Variants in CTNNA3 observed in about 807,000 individuals in gnomAD.
The protein encoded by CTNNA3 is catenin alpha-3.
CTNNA3 carries 76 observed loss-of-function variants against 95.7 expected under a neutral mutation model. The observed-to-expected ratio is 0.79, with a 90% CI of 0.66 to 0.96. CTNNA3 has a LOEUF of 0.96. CTNNA3 is among the 40% of genes least tolerant of loss of function. The probability of loss-of-function intolerance (pLI) is 0.00; values close to 1 mark genes in which losing one functional copy is unlikely to be tolerated. For missense variants in CTNNA3, 1,191 were observed against 1,089.8 expected, an observed-to-expected ratio of 1.09 and a Z score of -1.31; for synonymous variants, 431 against 374.4, an observed-to-expected ratio of 1.15 and a Z score of -1.74.
intron 13 of CTNNA3, among the ~76,000 whole-genome samples, chr10:66,258,578 T>A (rs2090879746): frequency 6.6e-6 from 1 of 152,160 alleles, no homozygotes; most frequent in African/African-American, 2.4e-5. Context: ...CCCTACCTGA[T>A]CTGACTAAGC....
At chr10:67,577,214 T>A (rs1255007764) in intron 3 of CTNNA3, among the ~76,000 whole-genome samples, 1 of 151,870 alleles carries the variant, frequency 6.6e-6, no homozygotes, top group Admixed American at 6.6e-5. Context: ...CTCCAGCACC[T>A]GTTGTTTCCT....
chr10:66,432,402 T>C (rs1236488206), intron 11 of CTNNA3, among the ~76,000 whole-genome samples: 2 of 152,178 alleles, frequency 1.3e-5, no homozygotes, highest in Non-Finnish European at 2.9e-5. Flanking sequence ...CTCACGCCTG[T>C]AATCCCAACA....
rs185369622 is a variant in CTNNA3 at position 66,526,854 on chromosome 10, T to C, written c.1375-6081A>G. ...TTCTGGTTATTAATCTCTGATCATATATATGATTTGTAAATATTTTCTCCC... is the reference window on the plus strand; with the variant it reads ...TTCTGGTTATTAATCTCTGATCATACATATGATTTGTAAATATTTTCTCCC... On this transcript the variant is annotated intron_variant, in intron 10 of 17. Coordinates refer to ENST00000433211, the MANE Select transcript of CTNNA3 (RefSeq NM_013266.4). Among the ~76,000 whole-genome samples, 82 of 152,286 alleles carry C rather than the reference T, an allele frequency of 5.4e-4. 1 individual carries two copies. The highest frequency in any genetic ancestry group is 2.0e-3 in the African/African-American group (82 of 41,568).
chr10:67,750,360 G>C lies in CTNNA3; in HGVS notation c.-2+13074C>G, dbSNP rs920774500. 5.3e-6 allele frequency: 8 copies of C among 1,506,652 alleles called. No homozygotes were observed. In the African/African-American group the frequency reaches 8.3e-5, roughly 16 times the overall value. 93.3% of individuals were successfully genotyped at this position (1,506,652 alleles called of 1,614,324 possible). ...CTGGGCACTTGGAAGTCTCCTCTCGGCAAAGTGAAAGAAGTGGTGAAGGTG... is the reference window on the plus strand; with the variant it reads ...CTGGGCACTTGGAAGTCTCCTCTCGCCAAAGTGAAAGAAGTGGTGAAGGTG... On this transcript the variant is annotated intron_variant, in intron 1 of 17. Coordinates refer to the CTNNA3 transcript ENST00000684154.
At chr10:67,553,597 G>A (rs1184127078) in intron 3 of CTNNA3, among the ~76,000 whole-genome samples, 3 of 152,080 alleles carry the variant, frequency 2.0e-5, no homozygotes, top group South Asian at 4.2e-4. Flanking sequence ...TTAAAAATAC[G>A]GGAAATAAGA....
chr10:66,121,135 G>T (rs2133816405), intron 13 of CTNNA3, among the ~76,000 whole-genome samples: 1 of 152,286 alleles, frequency 6.6e-6, no homozygotes, highest in South Asian at 2.1e-4. Flanking sequence ...TCAAACCAGT[G>T]ATCAGAACCC....
At chr10:67,735,626 T>C (rs920761014) in intron 1 of CTNNA3, among the ~76,000 whole-genome samples, 14 of 152,160 alleles carry the variant, frequency 9.2e-5, no homozygotes, top group Admixed American at 4.6e-4. Context: ...TTAAGATGGT[T>C]ATGTTTTTAA....
chr10:67,265,710 G>A (rs1168385284), intron 5 of CTNNA3, among the ~76,000 whole-genome samples: 1 of 152,178 alleles, frequency 6.6e-6, no homozygotes, highest in Non-Finnish European at 1.5e-5. Flanking sequence ...AGGAAAAAAA[G>A]TGGATTAATT....
chr10:67,544,295 T>C (rs942982570), intron 3 of CTNNA3, among the ~76,000 whole-genome samples: 1 of 151,822 alleles, frequency 6.6e-6, no homozygotes, highest in African/African-American at 2.4e-5. Flanking sequence ...AATGCAAAAA[T>C]GGTTATAAGG....
At chr10:66,106,542 G>A (rs1044345407) in intron 13 of CTNNA3, among the ~76,000 whole-genome samples, 2 of 151,994 alleles carry the variant, frequency 1.3e-5, no homozygotes, top group Non-Finnish European at 2.9e-5. Flanking sequence ...GTTTCCCTCA[G>A]AATAAAATTC....
At chr10:67,177,639 C>T (rs924079401) in intron 7 of CTNNA3, among the ~76,000 whole-genome samples, 6 of 152,132 alleles carry the variant, frequency 3.9e-5, no homozygotes, top group Non-Finnish European at 7.4e-5. Context: ...TTTGAGCAAA[C>T]GGTGAGCAAG....
chr10:66,023,435 T>A (rs1184354992), intron 15 of CTNNA3, among the ~76,000 whole-genome samples: 2 of 152,124 alleles, frequency 1.3e-5, no homozygotes, highest in Admixed American at 6.5e-5. Flanking sequence ...AGATACAGTA[T>A]TGAAGCAGAA....
chr10:66,113,934 G>C, intron 13 of CTNNA3, among the ~76,000 whole-genome samples: 1 of 152,052 alleles, frequency 6.6e-6, no homozygotes, highest in East Asian at 1.9e-4. Flanking sequence ...TCTATGGGGG[G>C]AGGTGGTTGA....
At chr10:66,226,543 G>A (rs368154243) in intron 13 of CTNNA3, among the ~76,000 whole-genome samples, 3 of 148,722 alleles carry the variant, frequency 2.0e-5, no homozygotes, top group Admixed American at 6.7e-5. Flanking sequence ...GAGGTCTTTC[G>A]TGGTTCCATA....
chr10:66,087,952 A>G (rs555155669), intron 14 of CTNNA3, among the ~76,000 whole-genome samples: 1 of 152,224 alleles, frequency 6.6e-6, no homozygotes, highest in African/African-American at 2.4e-5. Context: ...GGCTTTAATA[A>G]TGTATGCTTC....
intron 7 of CTNNA3, chr10:67,099,564 T>C (rs974669148): frequency 5.3e-5 from 8 of 152,134 alleles, no homozygotes; most frequent in African/African-American, 1.5e-4. Flanking sequence ...TCACAGCAAA[T>C]GTAAAAGCGG....
intron 13 of CTNNA3, among the ~76,000 whole-genome samples, chr10:66,184,836 A>T (rs1377850590): frequency 6.6e-6 from 1 of 152,152 alleles, no homozygotes; most frequent in African/African-American, 2.4e-5. Flanking sequence ...TTTTGTCCTA[A>T]CTACATAAGT....
At chr10:66,805,930 A>C (rs545997200) in intron 7 of CTNNA3, among the ~76,000 whole-genome samples, 1 of 152,208 alleles carries the variant, frequency 6.6e-6, no homozygotes, top group Admixed American at 6.6e-5. Flanking sequence ...ATGCCAAGGA[A>C]GTTTTTTCAG....
intron 7 of CTNNA3, among the ~76,000 whole-genome samples, chr10:67,085,917 G>T (rs961158193): frequency 6.6e-6 from 1 of 151,552 alleles, no homozygotes; most frequent in African/African-American, 2.4e-5. Context: ...TAAACATGAC[G>T]TTATCTATAT....
Sources: gnomAD v4.1 joint callset for allele counts (sites outside exome capture counted in the v4.1 genomes callset) on GRCh38, gnomAD v4.1.1 for gene constraint, MANE v1.5 for transcripts, NCBI Gene and HGNC (gene_info 2026-07-23, HGNC 2026-07-21) for gene names.